Variants in MYBPH observed in about 807,000 individuals in gnomAD.
MYBPH encodes myosin-binding protein H.
Under a neutral mutation model 53.6 loss-of-function variants are expected in MYBPH, and 49 were observed. That is an observed-to-expected ratio of 0.91 (90% CI 0.73 to 1.16). The LOEUF is 1.16. Among genes scored for constraint, MYBPH ranks in the 50% most tolerant of loss-of-function variants. The probability of loss-of-function intolerance (pLI) is 0.00; values close to 1 mark genes in which losing one functional copy is unlikely to be tolerated. For missense variants in MYBPH, 558 were observed against 624.1 expected (o/e 0.89, Z 1.13); for synonymous variants, 239 against 249.6 (o/e 0.96, Z 0.40).
chr1:203,169,987 C>T (rs566021661), intron 7 of MYBPH, among the ~76,000 whole-genome samples: 1 of 152,320 alleles, frequency 6.6e-6, no homozygotes, highest in East Asian at 1.9e-4. Context: ...CACTCACTGC[C>T]TGAGACTCGG....
upstream of MYBPH, among the ~76,000 whole-genome samples, chr1:203,176,294 G>GT (rs1187665636): frequency 6.6e-6 from 1 of 152,162 alleles, no homozygotes; most frequent in Non-Finnish European, 1.5e-5. Context: ...GGCTCCCACA[G>GT]TTCCCAGGGA....
intron 3 of MYBPH, among the ~76,000 whole-genome samples, chr1:203,172,898 G>A (rs961130170): frequency 2.6e-5 from 4 of 152,160 alleles, no homozygotes; most frequent in Non-Finnish European, 4.4e-5. Context: ...GAAGGAACAC[G>A]GTGTCTCTGA....
rs559568775 is a variant in MYBPH at position 203,170,438 on chromosome 1, C to T, written c.946G>A (p.Val316Met). ...GTGGTTGGGTGGTAGCGCTCCAGCACTGTGAACCATTGCTGCAGGGCCCCG... is the reference window on the plus strand; with the variant it reads ...GTGGTTGGGTGGTAGCGCTCCAGCATTGTGAACCATTGCTGCAGGGCCCCG... ...ADKKTGQWFT[V>M]LERYHPTTCT... Residue 316 changes from valine to methionine, a missense_variant, in exon 7 of 11, where the codon GTG (valine) becomes ATG (methionine). By Grantham distance (21) the Val-to-Met change is conservative. Transcript: ENST00000255416. 1 of 1,614,062 alleles carries T rather than the reference C, an allele frequency of 6.2e-7. No individual in the cohort carries two copies. The highest frequency in any genetic ancestry group is 8.5e-7 in the Non-Finnish European group (1 of 1,179,946).
At position 203,174,484 on chromosome 1, in the gene MYBPH, C is replaced by T; in HGVS notation, c.454G>A (p.Gly152Arg). Residue 152 changes from glycine to arginine, a missense_variant, in exon 3 of 11, where the codon GGG becomes AGG. Coordinates refer to ENST00000255416, the MANE Select transcript of MYBPH (RefSeq NM_004997.3). The part of the protein sequence containing the change: ...LLRVSAVSSA[G>R]AGPPAMLDQP... ...TCCAGCATGGCCGGCGGGCCAGCCC[C>T]TGCAGAACTCACTGCAGACACGCGC... 6.2e-7 allele frequency: 1 copy of T among 1,612,980 alleles called. No individual in the cohort carries two copies. The highest frequency in any genetic ancestry group is 8.5e-7 in the Non-Finnish European group (1 of 1,179,036).
chr1:203,168,472 C>T (rs564716478), intron 10 of MYBPH, among the ~76,000 whole-genome samples, 155 bp downstream of exon 10: 1 of 152,328 alleles, frequency 6.6e-6, no homozygotes, highest in Admixed American at 6.5e-5. Flanking sequence ...CACTGTGAGT[C>T]TCTGGACATG....
chr1:203,172,813 C>T (rs2102191270), intron 3 of MYBPH, among the ~76,000 whole-genome samples: 1 of 152,300 alleles, frequency 6.6e-6, no homozygotes, highest in East Asian at 1.9e-4. Flanking sequence ...GGGTCCATGA[C>T]TGAGGCTCCT....
At chr1:203,179,189 C>T, upstream of MYBPH, 1 of 344,078 alleles carries the variant, frequency 2.9e-6, no homozygotes, top group East Asian at 4.4e-5. Flanking sequence ...GTAAACATTT[C>T]CATTAATCAA....
intron 3 of MYBPH, among the ~76,000 whole-genome samples, chr1:203,173,607 G>C (rs1347504803): frequency 1.3e-5 from 2 of 152,176 alleles, no homozygotes; most frequent in African/African-American, 4.8e-5. Flanking sequence ...ATCCAGACTT[G>C]ACCCCTCCTG....
chr1:203,172,404 G>T (rs1655718378), intron 3 of MYBPH, among the ~76,000 whole-genome samples: 1 of 152,138 alleles, frequency 6.6e-6, no homozygotes, highest in South Asian at 2.1e-4. Context: ...CTGCTGGGGA[G>T]CAGGTGCTGC....
rs1461862013 is a variant in MYBPH, at chr1:203,168,647, C to T, written c.*12G>A. The stretch of plus-strand genomic sequence containing the variant: ...TTTACCTGGCTCCTCATCACAGCCT[C>T]CTCCCGTGACTTCAGTGTGCGGCTG... On this transcript the variant is annotated 3_prime_UTR_variant, in exon 10 of 11. Transcript: ENST00000255416. 2 of 1,451,286 alleles carry T rather than the reference C, an allele frequency of 1.4e-6. No homozygotes were observed. Among genetic ancestry groups the T allele is most frequent in the Non-Finnish European group, 1.8e-6 (2 of 1,096,528 alleles). 89.9% of individuals were successfully genotyped at this position (1,451,286 alleles called of 1,614,324 possible). A position where few individuals can be genotyped will look rare whatever the true frequency, so the allele number is the denominator to read the frequency against.
upstream of MYBPH, among the ~76,000 whole-genome samples, chr1:203,176,462 C>T (rs978163034): frequency 6.6e-6 from 1 of 152,158 alleles, no homozygotes; most frequent in African/African-American, 2.4e-5. Context: ...TGGTAAGGAG[C>T]TCGTCTCCCC....
rs1289798867 is a variant in MYBPH at position 203,175,640 on chromosome 1, G to A, written c.116C>T (p.Thr39Ile). ...CGGCTTGGGCACCTGCTCTTCTCTG[G>A]TGGACTCTGATACTGCCACTTCTCC... Reference protein sequence around the residue: ...PPGEVAVSESTREEQVPKPQA... With the variant: ...PPGEVAVSESIREEQVPKPQA... Residue 39 changes from threonine to isoleucine, a missense_variant, in exon 1 of 11, where the codon ACC becomes ATC. Transcript: ENST00000255416. The A allele has an allele frequency of 3.7e-6, 6 of 1,613,998 alleles. No individual in the cohort carries two copies. Among genetic ancestry groups the A allele is most frequent in the Non-Finnish European group, 5.1e-6 (6 of 1,180,046 alleles).
intron 3 of MYBPH, among the ~76,000 whole-genome samples, chr1:203,173,529 G>A (rs981717029): frequency 7.9e-5 from 12 of 152,226 alleles, no homozygotes; most frequent in African/African-American, 2.9e-4. Flanking sequence ...GATAATCTAT[G>A]AATCTAAGCT....
At chr1:203,172,440 G>A (rs768065818) in intron 3 of MYBPH, among the ~76,000 whole-genome samples, 2 of 152,146 alleles carry the variant, frequency 1.3e-5, no homozygotes, top group Non-Finnish European at 2.9e-5. Flanking sequence ...CTTCTAGGAA[G>A]GGGAGGCCAC....
chr1:203,171,984 C>A lies in MYBPH; in HGVS notation c.565G>T (p.Gly189Ter). 1.5e-6 allele frequency: 2 copies of A among 1,325,124 alleles called. No homozygotes were observed. Among genetic ancestry groups the A allele is most frequent in the South Asian group, 3.0e-5 (1 of 33,110 alleles). The allele number at this position is 1,325,124 out of a possible 1,614,324, so 82.1% of individuals were successfully genotyped here. Residue 189 changes from glycine (G) to a stop codon, truncating the protein, a stop_gained, in exon 4 of 11, where the codon GGA becomes TGA. Coordinates refer to ENST00000255416, the MANE Select transcript of MYBPH (RefSeq NM_004997.3). LOFTEE classifies it high-confidence loss of function. The surrounding 1 kb of genome is among the most constrained non-coding windows in gnomAD (Gnocchi z 4.2). ...GGGATTTGCAGGTTGACCGTCTCTCCCACCTGGCGGATGTAGGTCTGACGG... is the reference window on the plus strand; with the variant it reads ...GGGATTTGCAGGTTGACCGTCTCTCACACCTGGCGGATGTAGGTCTGACGG... ...HLRQTYIRQVGETVNLQIPFQ... is the reference protein window; with the variant it reads ...HLRQTYIRQV
In MYBPH at chr1:203,172,978, T is replaced by A. The variant is rs985004088; in HGVS notation, c.509-938A>T. 7.9e-5 allele frequency among the ~76,000 whole-genome samples: 12 copies of A among 151,838 alleles called. 1 individual carries two copies. Among genetic ancestry groups the A allele is most frequent in the African/African-American group, 2.9e-4 (12 of 41,290 alleles). ...ATGCTCTAGGGACAGCTGCAGGGGG[T>A]CAAGAATGCTTGGCAGCTCCAGGTG... On this transcript the variant is annotated intron_variant, in intron 3 of 10. Coordinates refer to ENST00000255416, the MANE Select transcript of MYBPH (RefSeq NM_004997.3).
chr1:203,168,076 C>A lies in MYBPH; in HGVS notation c.*48G>T. 6.3e-6 allele frequency: 1 copy of A among 158,830 alleles called. No individual in the cohort carries two copies. The highest frequency in any genetic ancestry group is 5.9e-5 in the Admixed American group (1 of 17,022). 9.8% of individuals were successfully genotyped at this position (158,830 alleles called of 1,614,324 possible). A position where few individuals can be genotyped will look rare whatever the true frequency, so the allele number is the denominator to read the frequency against. Reference sequence around the variant, plus strand: ...ACTGTAGGCCTGGTGGACCTGGCCCCTCAGGCCTGCAGCACCTGGAGGAGG... The same window carrying A: ...ACTGTAGGCCTGGTGGACCTGGCCCATCAGGCCTGCAGCACCTGGAGGAGG... On this transcript the variant is annotated 3_prime_UTR_variant, in exon 11 of 11. Coordinates refer to ENST00000255416, the MANE Select transcript of MYBPH (RefSeq NM_004997.3).
At chr1:203,174,721 T>A in intron 2 of MYBPH, 124 bp from the exon 3 acceptor site, 1 of 1,078,470 alleles carries the variant, frequency 9.3e-7, no homozygotes, top group Non-Finnish European at 1.3e-6. Context: ...CATTTTCCCC[T>A]TGTTTGCCTT....
rs781655090 is a variant in MYBPH, at chr1:203,171,175, G to A, written c.819C>T (p.Ile273=). ...VIEKPGPPSS[I]RLLDVWGCNA... Reference sequence around the variant, plus strand: ...TGCAGCCCCAGACGTCCAGGAGCCTGATGCTGCTGGGGGGTCCAGGTTTCT... The same window carrying A: ...TGCAGCCCCAGACGTCCAGGAGCCTAATGCTGCTGGGGGGTCCAGGTTTCT... The change falls in exon 6 of 11, where the codon ATC becomes ATT. Residue 273 remains isoleucine (I), a synonymous_variant. Transcript: ENST00000255416. This position sits in a 1 kb window ranked among gnomAD's most constrained non-coding sequence, Gnocchi z 4.2. 5 of 1,608,440 alleles carry A rather than the reference G, an allele frequency of 3.1e-6. No homozygotes were observed. The highest frequency in any genetic ancestry group is 4.5e-5 in the East Asian group (2 of 44,874).
Sources: allele counts gnomAD v4.1 joint callset (sites outside exome capture counted in the v4.1 genomes callset), GRCh38; gene constraint gnomAD v4.1.1; non-coding constraint Gnocchi (gnomAD v3.1); transcripts MANE v1.5; gene names NCBI Gene and HGNC (gene_info 2026-07-23, HGNC 2026-07-21).